FRMD4B: variants seen among roughly 807,000 people sequenced by gnomAD.
FRMD4B encodes FERM domain containing 4B.
FRMD4B carries 74 observed loss-of-function variants against 141.5 expected under a neutral mutation model. The observed-to-expected ratio is 0.52, with a 90% CI of 0.43 to 0.63. The LOEUF is 0.63. Among genes scored for constraint, FRMD4B ranks in the 30% least tolerant of loss-of-function variants. The pLI, the probability that FRMD4B is intolerant of heterozygous loss-of-function variation, is 0.00. For synonymous variants in FRMD4B, 506 were observed against 467.9 expected (o/e 1.08, Z -1.05); for missense variants, 1,366 against 1,253.4 (o/e 1.09, Z -1.36).
At chr3:69,406,199 G>A (rs17005841) in intron 2 of FRMD4B, among the ~76,000 whole-genome samples, 9,366 of 152,132 alleles carry the variant, frequency 0.062, 874 homozygotes, top group African/African-American at 0.2. Flanking sequence ...GCCAAGATTG[G>A]CTTAATGCTT....
intron 1 of FRMD4B, among the ~76,000 whole-genome samples, chr3:69,370,360 A>G (rs1392018532): frequency 6.6e-6 from 1 of 152,212 alleles, no homozygotes; most frequent in Non-Finnish European, 1.5e-5. Context: ...CAGGGCTGAC[A>G]AGAACTGCAG....
chr3:69,180,072 C>T (rs2107587725), intron 21 of FRMD4B, among the ~76,000 whole-genome samples: 1 of 152,112 alleles, frequency 6.6e-6, no homozygotes, highest in East Asian at 1.9e-4. Flanking sequence ...CTTAAGTCAA[C>T]CACAACATAG....
At chr3:69,277,421 G>A (rs189971788) in intron 5 of FRMD4B, among the ~76,000 whole-genome samples, 33 of 151,380 alleles carry the variant, frequency 2.2e-4, no homozygotes, top group African/African-American at 7.8e-4. Flanking sequence ...ATCTAATATA[G>A]AGCAACACCC....
chr3:69,324,386 T>C (rs912974546), intron 1 of FRMD4B, among the ~76,000 whole-genome samples: 1 of 152,280 alleles, frequency 6.6e-6, no homozygotes, highest in Non-Finnish European at 1.5e-5. Context: ...CAAGCACTGT[T>C]CTTGGCACTA....
intron 1 of FRMD4B, among the ~76,000 whole-genome samples, chr3:69,486,277 G>A (rs773151900): frequency 5.9e-5 from 9 of 152,154 alleles, no homozygotes; most frequent in Non-Finnish European, 1.0e-4. Context: ...GGTTACATGA[G>A]TAAGTTCTTT....
intron 1 of FRMD4B, among the ~76,000 whole-genome samples, chr3:69,491,790 T>C (rs928281235): frequency 4.6e-5 from 7 of 152,180 alleles, no homozygotes; most frequent in African/African-American, 1.7e-4. Context: ...ACAAGAGGAA[T>C]GAAGACCAAG....
intron 22 of FRMD4B, among the ~76,000 whole-genome samples, chr3:69,174,566 C>A (rs2092622974): frequency 6.6e-6 from 1 of 152,188 alleles, no homozygotes; most frequent in African/African-American, 2.4e-5. Context: ...CACACGCATA[C>A]ACAAACACAC....
rs767201576 is a variant in FRMD4B, at chr3:69,189,913, G to T, written c.1754C>A (p.Thr585Asn). 6.3e-7 allele frequency: 1 copy of T among 1,598,654 alleles called. No homozygotes were observed. ...CCACTTACGATCATCATAGGTGGTGGTGTCAGACAAAGAGCTACTCTCTGA... is the reference window on the plus strand; with the variant it reads ...CCACTTACGATCATCATAGGTGGTGTTGTCAGACAAAGAGCTACTCTCTGA... ...IPSESSSLSD[T>N]TTYDDPSDAF... The change falls in exon 18 of 23, where the codon ACC becomes AAC. Residue 585 changes from threonine (T) to asparagine (N), a missense_variant. Physicochemically the swap from Thr to Asn is moderately conservative, Grantham distance 65. Transcript: ENST00000398540.
At chr3:69,402,297 A>G (rs1704576473) in intron 2 of FRMD4B, among the ~76,000 whole-genome samples, 1 of 152,222 alleles carries the variant, frequency 6.6e-6, no homozygotes, top group Admixed American at 6.5e-5. Flanking sequence ...TCTTGTTGCC[A>G]CAATGAGGAT....
intron 1 of FRMD4B, among the ~76,000 whole-genome samples, chr3:69,329,052 T>C (rs1307576423): frequency 6.6e-6 from 1 of 152,230 alleles, no homozygotes; most frequent in Non-Finnish European, 1.5e-5. Context: ...TCTTGGGCTC[T>C]GGATCAGGAC....
chr3:69,329,305 G>A (rs1483413854), intron 1 of FRMD4B, among the ~76,000 whole-genome samples: 2 of 152,024 alleles, frequency 1.3e-5, no homozygotes, highest in Non-Finnish European at 2.9e-5. Flanking sequence ...AGAACTTGGC[G>A]AACAGAGGCC....
At chr3:69,491,344 C>T (rs7647186) in intron 1 of FRMD4B, among the ~76,000 whole-genome samples, 65,455 of 151,562 alleles carry the variant, frequency 0.43, 14,819 homozygotes, top group African/African-American at 0.56. Flanking sequence ...AGCCCTTCAG[C>T]ATTGAAAGAC....
Position 69,385,956 on chromosome 3 carries a change from G to A in FRMD4B, c.34C>T (p.Leu12=), listed in dbSNP as rs781631803. ...ACGAAGCGGCTGCCGCTGAACAGCA[G>A]GTCCTCCACGCCACACATGAACACC... ...ASVFMCGVED[L]LFSGSRFVWN... The change falls in exon 1 of 23, where the codon CTG becomes TTG. Residue 12 remains leucine, a synonymous_variant. Transcript: ENST00000398540. 2 of 1,605,138 alleles carry A rather than the reference G, an allele frequency of 1.2e-6. No homozygotes were observed. The highest frequency in any genetic ancestry group is 8.5e-7 in the Non-Finnish European group (1 of 1,176,124).
At chr3:69,438,098 A>G (rs1016401810) in intron 1 of FRMD4B, among the ~76,000 whole-genome samples, 5 of 147,318 alleles carry the variant, frequency 3.4e-5, no homozygotes, top group African/African-American at 1.2e-4. Flanking sequence ...TATATAATAT[A>G]ATAGTATATA....
At chr3:69,200,886 A>G in intron 11 of FRMD4B, 1 of 457,290 alleles carries the variant, frequency 2.2e-6, no homozygotes. Context: ...CCATTCCCAC[A>G]CACATAAAAA....
At chr3:69,522,425 A>T (rs4314173) in intron 1 of FRMD4B, among the ~76,000 whole-genome samples, 1 of 151,868 alleles carries the variant, frequency 6.6e-6, no homozygotes, top group East Asian at 1.9e-4. Context: ...AAGGCATAGA[A>T]AAAACATTTA....
intron 1 of FRMD4B, among the ~76,000 whole-genome samples, chr3:69,461,623 C>CAAA (rs58143332): frequency 0.37 from 15,867 of 43,372 alleles, 4,822 homozygotes; most frequent in African/African-American, 0.4. Context: ...GACTCTGTCT[C>CAAA]AAAAAAAAAA....
At chr3:69,489,433 A>G (rs1199716282) in intron 1 of FRMD4B, among the ~76,000 whole-genome samples, 1 of 152,128 alleles carries the variant, frequency 6.6e-6, no homozygotes, top group Non-Finnish European at 1.5e-5. Context: ...AAGGATTTGA[A>G]TAGGCATTTC....
At chr3:69,265,557 C>T (rs1344649048) in intron 5 of FRMD4B, among the ~76,000 whole-genome samples, 1 of 148,328 alleles carries the variant, frequency 6.7e-6, no homozygotes, top group African/African-American at 2.5e-5. Flanking sequence ...ACGCCATTCT[C>T]CTGCCTCAGC....
Sources: allele counts gnomAD v4.1 joint callset (sites outside exome capture counted in the v4.1 genomes callset), GRCh38; gene constraint gnomAD v4.1.1; transcripts MANE v1.5; gene names NCBI Gene and HGNC (gene_info 2026-07-23, HGNC 2026-07-21).